PTPRD: variants seen among roughly 807,000 people sequenced by gnomAD.
PTPRD encodes the protein protein tyrosine phosphatase receptor type D.
PTPRD carries 34 observed loss-of-function variants against 214.5 expected under a neutral mutation model. The observed-to-expected ratio is 0.16, with a 90% CI of 0.12 to 0.21. The LOEUF (loss-of-function observed/expected upper bound fraction) is 0.21. Ranked by LOEUF, PTPRD falls within the 10% of genes least tolerant of loss-of-function variation. The pLI is 1.00. For missense variants in PTPRD, 2,545 were observed against 2,398.7 expected (o/e 1.06, Z -1.27); for synonymous variants, 1,128 against 845.7 (o/e 1.33, Z -5.79).
In PTPRD at chr9:9,758,437, C is replaced by A. The variant is rs562116326; in HGVS notation, c.-326+8373G>T. ...GGGTAGGAGAAGGTCAAACCTCAGC[C>A]AGCTCTGCCACATTAGGCAACACTA... On this transcript the variant is annotated intron_variant, in intron 6 of 45. Transcript: ENST00000381196. Among the ~76,000 whole-genome samples the A allele has an allele frequency of 4.6e-5, 7 of 152,234 alleles. No homozygotes were observed. The East Asian group carries it at 1.4e-3, about 29-fold the overall frequency.
intron 9 of PTPRD, among the ~76,000 whole-genome samples, chr9:9,200,228 T>C (rs1439936481): frequency 6.6e-6 from 1 of 152,170 alleles, no homozygotes; most frequent in Non-Finnish European, 1.5e-5. Flanking sequence ...ATCAGAAAAT[T>C]TGAGCAAAAA....
intron 2 of PTPRD, among the ~76,000 whole-genome samples, chr9:10,448,508 G>C (rs537606375): frequency 6.6e-6 from 1 of 151,984 alleles, no homozygotes; most frequent in Non-Finnish European, 1.5e-5. Flanking sequence ...AAAACATAGA[G>C]ATGAAATATA....
intron 9 of PTPRD, among the ~76,000 whole-genome samples, chr9:9,394,059 A>C (rs1298355379): frequency 6.6e-6 from 1 of 152,150 alleles, no homozygotes; most frequent in Non-Finnish European, 1.5e-5. Flanking sequence ...ACAAAACTTT[A>C]ATTTTTTAAA....
chr9:10,016,701 G>C (rs2096724212), intron 4 of PTPRD, among the ~76,000 whole-genome samples: 1 of 145,564 alleles, frequency 6.9e-6, no homozygotes, highest in African/African-American at 2.5e-5. Flanking sequence ...ATTTTGTTCT[G>C]TCAGCCAGGC....
At chr9:8,923,757 A>G (rs945432438) in intron 11 of PTPRD, among the ~76,000 whole-genome samples, 1 of 152,180 alleles carries the variant, frequency 6.6e-6, no homozygotes, top group Non-Finnish European at 1.5e-5. Flanking sequence ...CATGCTACCT[A>G]CCAAACGGCA....
In PTPRD at chr9:10,143,258, A is replaced by G. The variant is rs536576043; in HGVS notation, c.-544-109468T>C. 1.1e-4 allele frequency among the ~76,000 whole-genome samples: 17 copies of G among 151,416 alleles called. No homozygotes were observed. In the South Asian group the frequency reaches 3.6e-3, roughly 32 times the overall value. ...TCTGCACATTGTGCACATGTATCCT[A>G]AAACTTAAAGTATAATAATAATAAA... On this transcript the variant is annotated intron_variant, in intron 3 of 45. Transcript: ENST00000381196.
chr9:10,096,318 C>A (rs1262213589), intron 3 of PTPRD, among the ~76,000 whole-genome samples: 1 of 151,658 alleles, frequency 6.6e-6, no homozygotes, highest in Non-Finnish European at 1.5e-5. Flanking sequence ...GTGAAACATT[C>A]TCTATACATC....
intron 4 of PTPRD, among the ~76,000 whole-genome samples, chr9:10,008,350 C>G (rs1289540959): frequency 6.6e-6 from 1 of 151,944 alleles, no homozygotes; most frequent in African/African-American, 2.4e-5. Flanking sequence ...ACCAGCATTC[C>G]TTCCTGATGA....
intron 10 of PTPRD, among the ~76,000 whole-genome samples, chr9:9,169,235 C>A (rs1164288433): frequency 6.6e-6 from 1 of 151,932 alleles, no homozygotes; most frequent in Non-Finnish European, 1.5e-5. Flanking sequence ...TTATATAATT[C>A]AAAAACCACC....
At chr9:9,318,113 G>A (rs1964313887) in intron 9 of PTPRD, among the ~76,000 whole-genome samples, 1 of 151,792 alleles carries the variant, frequency 6.6e-6, no homozygotes, top group Non-Finnish European at 1.5e-5. Context: ...GGAGGTTGCA[G>A]TAAGCCGAGA....
intron 8 of PTPRD, among the ~76,000 whole-genome samples, chr9:9,526,617 AC>A: frequency 6.6e-6 from 1 of 152,304 alleles, no homozygotes; most frequent in East Asian, 1.9e-4. Context: ...ATTGGACATA[AC>A]TTTAATGCCA....
chr9:9,235,627 C>T (rs1218675592), intron 9 of PTPRD, among the ~76,000 whole-genome samples: 1 of 152,124 alleles, frequency 6.6e-6, no homozygotes, highest in Non-Finnish European at 1.5e-5. Context: ...ACACCTGAGA[C>T]ACCTGACTCA....
At chr9:8,726,937 C>T (rs966782060) in intron 12 of PTPRD, among the ~76,000 whole-genome samples, 1 of 151,536 alleles carries the variant, frequency 6.6e-6, no homozygotes, top group Admixed American at 6.6e-5. Context: ...TGCCACTGCA[C>T]TACTCCAGCC....
At chr9:8,724,492 T>G (rs1384634618) in intron 12 of PTPRD, among the ~76,000 whole-genome samples, 1 of 152,166 alleles carries the variant, frequency 6.6e-6, no homozygotes, top group African/African-American at 2.4e-5. Context: ...CTCCAAAGAA[T>G]TTTTCCACCA....
intron 11 of PTPRD, among the ~76,000 whole-genome samples, chr9:8,983,154 C>T (rs1484078191): frequency 6.6e-6 from 1 of 151,880 alleles, no homozygotes; most frequent in African/African-American, 2.4e-5. Flanking sequence ...TTTCATCACA[C>T]TAGTAATATT....
At chr9:10,084,226 T>C (rs1457901891) in intron 3 of PTPRD, among the ~76,000 whole-genome samples, 1 of 152,012 alleles carries the variant, frequency 6.6e-6, no homozygotes, top group Non-Finnish European at 1.5e-5. Flanking sequence ...AATATTTGTA[T>C]GCATAGCTAT....
At chr9:9,702,195 G>A (rs890031837) in intron 7 of PTPRD, among the ~76,000 whole-genome samples, 1 of 152,112 alleles carries the variant, frequency 6.6e-6, no homozygotes, top group African/African-American at 2.4e-5. Context: ...AAAGGGCTAA[G>A]AACATTTATG....
At chr9:8,965,588 C>A (rs958234300) in intron 11 of PTPRD, among the ~76,000 whole-genome samples, 44 of 152,158 alleles carry the variant, frequency 2.9e-4, no homozygotes, top group African/African-American at 1.1e-3. Context: ...TTATGTAATG[C>A]CCTTCTTTGT....
intron 9 of PTPRD, among the ~76,000 whole-genome samples, chr9:9,395,494 T>C (rs1054343420): frequency 3.3e-5 from 5 of 152,118 alleles, no homozygotes; most frequent in African/African-American, 1.2e-4. Context: ...AGGAGAGTTT[T>C]AGCAGAAAAC....
Sources: allele counts gnomAD v4.1 joint callset (sites outside exome capture counted in the v4.1 genomes callset), GRCh38; gene constraint gnomAD v4.1.1; transcripts MANE v1.5; gene names NCBI Gene and HGNC (gene_info 2026-07-23, HGNC 2026-07-21).